CPM: variants seen among roughly 807,000 people sequenced by gnomAD.
The protein encoded by CPM is carboxypeptidase M.
CPM carries 35 observed loss-of-function variants against 46.4 expected under a neutral mutation model. The ratio of observed to expected loss-of-function variants is 0.75; its 90% CI spans 0.58 to 1.00. The LOEUF is 1.00. Among genes scored for constraint, CPM ranks in the 50% least tolerant of loss-of-function variants. The probability of loss-of-function intolerance (pLI) is 0.00; values close to 1 mark genes in which losing one functional copy is unlikely to be tolerated. For missense variants in CPM, 422 were observed against 530.4 expected (o/e 0.80, Z 2.01); for synonymous variants, 195 against 195.3 (o/e 1.00, Z 0.01).
intron 2 of CPM, among the ~76,000 whole-genome samples, chr12:68,923,529 G>A (rs1277465536): frequency 6.6e-6 from 1 of 152,056 alleles, no homozygotes; most frequent in Non-Finnish European, 1.5e-5. Flanking sequence ...GATGCCTCTT[G>A]CTTTCATATC....
chr12:68,884,672 G>A (rs1055061937), intron 3 of CPM, among the ~76,000 whole-genome samples: 3 of 152,216 alleles, frequency 2.0e-5, no homozygotes. Flanking sequence ...CCACATTCCT[G>A]TGCAAAGTTT....
intron 7 of CPM, among the ~76,000 whole-genome samples, chr12:68,861,540 G>GTTT (rs112044881): frequency 1.4e-5 from 2 of 145,894 alleles, no homozygotes; most frequent in Admixed American, 6.9e-5. Flanking sequence ...ACAATTTTTT[G>GTTT]TTTTTTTTTT....
upstream of CPM, among the ~76,000 whole-genome samples, chr12:68,935,250 GTTTGTTTGTTTGT>G (rs2043069790): frequency 4.6e-5 from 1 of 21,964 alleles, no homozygotes; most frequent in South Asian, 2.1e-3. Context: ...TTTATTGTTT[GTTTGTTTGTTTGT>G]TTGTTTGTTT....
chr12:68,886,360 C>G lies in CPM; in HGVS notation c.161-471G>C, dbSNP rs777027470. On this transcript the variant is annotated intron_variant, in intron 2 of 8. Coordinates refer to ENST00000551568, the MANE Select transcript of CPM (RefSeq NM_198320.5). ...AATAAAAGTAACTCAGGGCCAGGCACGGTGGCTCACGCCTGTAATCCCAGC... is the reference window on the plus strand; with the variant it reads ...AATAAAAGTAACTCAGGGCCAGGCAGGGTGGCTCACGCCTGTAATCCCAGC... Among the ~76,000 whole-genome samples the G allele has an allele frequency of 2.6e-5, 4 of 151,704 alleles. No homozygotes were observed. The East Asian group carries it at 7.8e-4, about 29-fold the overall frequency.
In CPM at chr12:68,870,236, G is replaced by A; in HGVS notation, c.595C>T (p.Pro199Ser). The change falls in exon 5 of 9, where the codon CCA (proline) becomes TCA (serine). Residue 199 changes from proline to serine, a missense_variant. Transcript: ENST00000551568. ...LHGGALVASYPFDNGVQATGA... is the reference protein window; with the variant it reads ...LHGGALVASYSFDNGVQATGA... ...TTACCTTGAACACCATTATCAAATG[G>A]GTAACTGGCCACGAGGGCACCACCA... The A allele has an allele frequency of 6.2e-7, 1 of 1,613,928 alleles. No homozygotes were observed. The highest frequency in any genetic ancestry group is 8.5e-7 in the Non-Finnish European group (1 of 1,179,944).
chr12:68,871,651 C>T (rs1565772808), intron 4 of CPM, 133 bp downstream of exon 4: 5 of 966,632 alleles, frequency 5.2e-6, no homozygotes, highest in Non-Finnish European at 7.9e-6. Context: ...TGAGCTTTGG[C>T]ACATCAGCGA....
intron 1 of CPM, among the ~76,000 whole-genome samples, chr12:68,943,981 A>G (rs956097343): frequency 3.3e-5 from 5 of 152,326 alleles, no homozygotes; most frequent in Non-Finnish European, 7.4e-5. Context: ...GGAAAAATGT[A>G]TATATAGCAG....
chr12:68,892,125 T>C (rs1203232792), intron 2 of CPM, among the ~76,000 whole-genome samples: 3 of 152,212 alleles, frequency 2.0e-5, no homozygotes, highest in Non-Finnish European at 4.4e-5. Context: ...GACTGGGTAG[T>C]CTATCCGTGG....
intron 3 of CPM, among the ~76,000 whole-genome samples, chr12:68,878,735 T>C (rs1565777038): frequency 1.3e-5 from 2 of 151,980 alleles, no homozygotes; most frequent in East Asian, 3.9e-4. Flanking sequence ...GCAATTCCCC[T>C]GTCTTGATAA....
intron 2 of CPM, among the ~76,000 whole-genome samples, chr12:68,891,003 G>A (rs1886632203): frequency 1.3e-5 from 2 of 152,238 alleles, no homozygotes; most frequent in Non-Finnish European, 2.9e-5. Flanking sequence ...GTTTCTCTGT[G>A]TGTATCCTTA....
At chr12:68,871,754 T>C in intron 4 of CPM, 30 bp downstream of exon 4, 1 of 1,612,586 alleles carries the variant, frequency 6.2e-7, no homozygotes, top group Non-Finnish European at 8.5e-7. Flanking sequence ...TGTGTTGTTT[T>C]CAAGTAAAGA....
intron 1 of CPM, among the ~76,000 whole-genome samples, chr12:68,949,096 A>T (rs967499731): frequency 6.6e-6 from 1 of 152,198 alleles, no homozygotes; most frequent in East Asian, 1.9e-4. Context: ...AGAAGTACAG[A>T]TTCTGGGCTC....
chr12:68,881,343 T>TAG (rs1309644462), intron 3 of CPM, among the ~76,000 whole-genome samples: 1 of 152,218 alleles, frequency 6.6e-6, no homozygotes, highest in Non-Finnish European at 1.5e-5. Context: ...ATTGGGCTCT[T>TAG]TATCAAGCCT....
chr12:68,906,260 T>C (rs1009066964), intron 2 of CPM, among the ~76,000 whole-genome samples: 2 of 152,166 alleles, frequency 1.3e-5, no homozygotes, highest in Non-Finnish European at 1.5e-5. Flanking sequence ...CCTGAGGTAT[T>C]TGTAAAAAAC....
chr12:68,908,887 A>G (rs974875171), intron 2 of CPM, among the ~76,000 whole-genome samples: 12 of 152,242 alleles, frequency 7.9e-5, no homozygotes, highest in Non-Finnish European at 1.6e-4. Flanking sequence ...ACAAAGCATG[A>G]ATAAATAGAA....
rs1374110714 is a variant in CPM, at chr12:68,871,844, G to A, written c.371C>T (p.Ser124Phe). The A allele has an allele frequency of 3.1e-6, 5 of 1,614,190 alleles. No individual in the cohort carries two copies. The highest frequency in any genetic ancestry group is 4.2e-6 in the Non-Finnish European group (5 of 1,180,024). Residue 124 changes from serine (S) to phenylalanine (F), a missense_variant, in exon 4 of 9, where the codon TCC becomes TTC. By Grantham distance (155) the Ser-to-Phe change is radical. Coordinates refer to ENST00000551568, the MANE Select transcript of CPM (RefSeq NM_198320.5). ...INSTRIHIMP[S>F]MNPDGFEAVK... ...GGCTTCAAATCCATCTGGGTTCATG[G>A]AAGGCATGATGTGTATCCGGGTACT... is the stretch of plus-strand genomic sequence containing the variant.
chr12:68,899,817 T>A (rs1887041555), intron 2 of CPM, among the ~76,000 whole-genome samples: 1 of 152,186 alleles, frequency 6.6e-6, no homozygotes, highest in East Asian at 1.9e-4. Flanking sequence ...AATAATGATG[T>A]GTCATGATTA....
At chr12:68,947,890 T>C (rs752283395) in intron 1 of CPM, among the ~76,000 whole-genome samples, 2 of 152,078 alleles carry the variant, frequency 1.3e-5, no homozygotes, top group African/African-American at 2.4e-5. Flanking sequence ...TTATAAAAAT[T>C]TATACTAATG....
intron 2 of CPM, among the ~76,000 whole-genome samples, chr12:68,925,685 C>T (rs1022974048): frequency 1.3e-5 from 2 of 152,088 alleles, no homozygotes; most frequent in African/African-American, 4.8e-5. Flanking sequence ...TAAATGTTTC[C>T]TTTGGATGGT....
Sources: gnomAD v4.1 joint callset for allele counts (sites outside exome capture counted in the v4.1 genomes callset) on GRCh38, gnomAD v4.1.1 for gene constraint, MANE v1.5 for transcripts, NCBI Gene and HGNC (gene_info 2026-07-23, HGNC 2026-07-21) for gene names.